The following NEU4 variants were observed in gnomAD, a reference collection of about 807,000 sequenced individuals.
NEU4 encodes neuraminidase 4.
NEU4 carries 7 observed loss-of-function variants against 9.9 expected under a neutral mutation model. The ratio of observed to expected loss-of-function variants is 0.71; its 90% CI spans 0.40 to 1.33. The LOEUF (loss-of-function observed/expected upper bound fraction) is 1.33, where lower values mean the gene tolerates loss of function less well. Ranked by LOEUF, NEU4 falls within the 40% of genes most tolerant of loss-of-function variation. The probability of loss-of-function intolerance (pLI) is 0.01; values close to 1 mark genes in which losing one functional copy is unlikely to be tolerated. For synonymous variants in NEU4, 348 were observed against 316.9 expected, an observed-to-expected ratio of 1.10 and a Z score of -1.04; for missense variants, 717 against 712.6, an observed-to-expected ratio of 1.01 and a Z score of -0.07.
At chr2:241,813,160 G>A (rs889040620) in intron 1 of NEU4, among the ~76,000 whole-genome samples, 12 of 152,212 alleles carry the variant, frequency 7.9e-5, no homozygotes, top group African/African-American at 2.2e-4. Context: ...CTCAGGTGTC[G>A]GGGCAAGGCC....
rs1338293342 is a variant in NEU4, at chr2:241,816,539, C to G, written c.946C>G (p.Pro316Ala). 6.2e-7 allele frequency: 1 copy of G among 1,611,856 alleles called. No individual in the cohort carries two copies. Reference protein sequence around the residue: ...PPLLGPGVHEPPEEAAVDPRG... With the variant: ...PPLLGPGVHEAPEEAAVDPRG... ...ACTCCTCGGTCCTGGAGTCCACGAACCCCCAGAGGAGGCTGCTGTAGACCC... is the reference window on the plus strand; with the variant it reads ...ACTCCTCGGTCCTGGAGTCCACGAAGCCCCAGAGGAGGCTGCTGTAGACCC... The change falls in exon 4 of 4, where the codon CCC becomes GCC. Residue 316 changes from proline (P) to alanine (A), a missense_variant. Transcript: ENST00000407683.
In NEU4 at chr2:241,815,165, C is replaced by G. The variant is rs369919286; in HGVS notation, c.457+18C>G. The G allele has an allele frequency of 6.6e-7, 1 of 1,515,240 alleles. No individual in the cohort carries two copies. Among genetic ancestry groups the G allele is most frequent in the Non-Finnish European group, 8.8e-7 (1 of 1,134,538 alleles). 93.9% of individuals were successfully genotyped at this position (1,515,240 alleles called of 1,614,324 possible). The stretch of plus-strand genomic sequence containing the variant: ...CGTGCAGGGTAGGCGGGCAGGGTGC[C>G]GGTCTGGGTCCCTTTGATTGGCCAC... On this transcript the variant is annotated intron_variant, in intron 3 of 3. Coordinates refer to ENST00000407683, the MANE Select transcript of NEU4 (RefSeq NM_001167600.3).
intron 1 of NEU4, chr2:241,813,196 G>A (rs1035860904): frequency 2.6e-5 from 10 of 377,946 alleles, no homozygotes; most frequent in African/African-American, 1.3e-4. Flanking sequence ...CGAGTGTTGC[G>A]CCTTTACCCG....
rs751043984 is a variant in NEU4, at chr2:241,815,079, G to A, written c.389G>A (p.Arg130His). 9 of 1,580,004 alleles carry A rather than the reference G, an allele frequency of 5.7e-6. No individual in the cohort carries two copies. Among genetic ancestry groups the A allele is most frequent in the Admixed American group, 3.5e-5 (2 of 57,542 alleles). Residue 130 changes from arginine to histidine, a missense_variant, in exon 3 of 4, where the codon CGT becomes CAT. Coordinates refer to ENST00000407683, the MANE Select transcript of NEU4 (RefSeq NM_001167600.3). ...GCGCGCCTCTGCTGTGTGGCCAGCC[G>A]TGACGCCGGCCTCTCGTGGGGCAGC... Reference protein sequence around the residue: ...NAARLCCVASRDAGLSWGSAR... With the variant: ...NAARLCCVASHDAGLSWGSAR...
chr2:241,816,746 G>T lies in NEU4; in HGVS notation c.1153G>T (p.Gly385Trp), dbSNP rs1199474132. The change falls in exon 4 of 4, where the codon GGG (glycine) becomes TGG (tryptophan). Residue 385 changes from glycine (G) to tryptophan (W), a missense_variant. Transcript: ENST00000407683. The stretch of plus-strand genomic sequence containing the variant: ...GTGGCTGCTGTACTCCCACCCAGTG[G>T]GGCGCAGGGCTCGGCTACACATGGG... ...PTWLLYSHPV[G>W]RRARLHMGIR... 2 of 1,569,036 alleles carry T rather than the reference G, an allele frequency of 1.3e-6. No homozygotes were observed. Among genetic ancestry groups the T allele is most frequent in the South Asian group, 2.3e-5 (2 of 86,096 alleles).
At position 241,817,069 on chromosome 2, in the gene NEU4, A is replaced by C; in HGVS notation, c.*21A>C. 6.4e-7 allele frequency: 1 copy of C among 1,552,556 alleles called. No homozygotes were observed. Among genetic ancestry groups the C allele is most frequent in the Non-Finnish European group, 8.7e-7 (1 of 1,152,688 alleles). The stretch of plus-strand genomic sequence containing the variant: ...CCTGACAGGCCTTCTGGCCGTGCCC[A>C]TGCCCCTTGGGTGCCTGGGGCAGAG... On this transcript the variant is annotated 3_prime_UTR_variant, in exon 4 of 4. Transcript: ENST00000407683.
In NEU4 at chr2:241,816,053, T is replaced by C. The variant is rs773867217; in HGVS notation, c.460T>C (p.Trp154Arg). 11 of 1,600,766 alleles carry C rather than the reference T, an allele frequency of 6.9e-6. No homozygotes were observed. The highest frequency in any genetic ancestry group is 1.1e-5 in the South Asian group (1 of 89,170). The change falls in exon 4 of 4, where the codon TGG (tryptophan) becomes CGG (arginine). Residue 154 changes from tryptophan to arginine, a missense_variant and splice_region_variant. Transcript: ENST00000407683. ...CACCTCTGCCCTCCTCCCTGCAGAC[T>C]GGGCCACATTCGCTGTGGGTCCCGG... ...EEAIGGAVQD[W>R]ATFAVGPGHG...
intron 2 of NEU4, 72 bp downstream of exon 2, chr2:241,814,757 G>A: frequency 6.7e-7 from 1 of 1,498,252 alleles, no homozygotes; most frequent in Non-Finnish European, 8.9e-7. Context: ...CCCGGGATGG[G>A]GCGGGGGTGG....
In NEU4 at chr2:241,817,005, CCAACCTTGGGGA is replaced by C. The variant is rs1360306995; in HGVS notation, c.1416_1427del (p.Asn472_Asp475del). 6.2e-7 allele frequency: 1 copy of C among 1,608,256 alleles called. No homozygotes were observed. The highest frequency in any genetic ancestry group is 2.2e-5 in the East Asian group (1 of 44,834). On this transcript the variant is annotated inframe_deletion, in exon 4 of 4. Transcript: ENST00000407683. ...AACGTGCCCGCCAGCCCCAAACCGC[CCAACCTTGGGGA>C]CAAGCCTCGGGGGTGCTGCTGGCCC...
rs1426156867 is a variant in NEU4, at chr2:241,816,666, G to C, written c.1073G>C (p.Gly358Ala). The change falls in exon 4 of 4, where the codon GGG becomes GCG. Residue 358 changes from glycine (G) to alanine (A), a missense_variant. By Grantham distance (60) the Gly-to-Ala change is moderately conservative (BLOSUM62 0). Transcript: ENST00000407683. ...GPRPGVSGDV[G>A]SWTLALPMPF... Reference sequence around the variant, plus strand: ...AGGCCTGGGGTCAGTGGGGATGTGGGGTCCTGGACCCTGGCACTCCCCATG... The same window carrying C: ...AGGCCTGGGGTCAGTGGGGATGTGGCGTCCTGGACCCTGGCACTCCCCATG... 1 of 1,523,990 alleles carries C rather than the reference G, an allele frequency of 6.6e-7. No individual in the cohort carries two copies. Among genetic ancestry groups the C allele is most frequent in the Non-Finnish European group, 8.8e-7 (1 of 1,139,116 alleles). 94.4% of individuals were successfully genotyped at this position (1,523,990 alleles called of 1,614,324 possible).
At chr2:241,812,821 T>C (rs1700173683) in intron 1 of NEU4, among the ~76,000 whole-genome samples, 1 of 151,986 alleles carries the variant, frequency 6.6e-6, no homozygotes, top group South Asian at 2.1e-4. Flanking sequence ...TCCCCAGGGG[T>C]GGGCCTGGGC....
intron 1 of NEU4, chr2:241,813,334 C>G: frequency 9.5e-7 from 1 of 1,052,728 alleles, no homozygotes; most frequent in South Asian, 2.6e-5. Context: ...TTCCCTTAGC[C>G]CCGCATCCAG....
intron 1 of NEU4, chr2:241,811,477 T>C (rs1009125712): frequency 1.9e-6 from 3 of 1,557,602 alleles, no homozygotes; most frequent in Admixed American, 1.8e-5. Context: ...TCCCTGCCCT[T>C]TGCACCCCCA....
At chr2:241,809,547 C>T (rs1700046847) in intron 1 of NEU4, among the ~76,000 whole-genome samples, 1 of 152,188 alleles carries the variant, frequency 6.6e-6, no homozygotes, top group Non-Finnish European at 1.5e-5. Context: ...GGAAAGCTTC[C>T]CCCGGGTGGC....
chr2:241,813,505 AC>A (rs758132655), intron 1 of NEU4: 3 of 1,197,026 alleles, frequency 2.5e-6, no homozygotes, highest in Admixed American at 3.6e-5. Context: ...AGACTGAGAG[AC>A]CCCCCAGGCA....
In NEU4 at chr2:241,811,735, T is replaced by C. The variant is rs1022807067; in HGVS notation, c.-4+2461T>C. The C allele has an allele frequency of 1.8e-5, 7 of 379,804 alleles. No individual in the cohort carries two copies. In the East Asian group the frequency reaches 1.9e-4, roughly 10 times the overall value. The allele number at this position is 379,804 out of a possible 1,614,324, so 23.5% of individuals were successfully genotyped here. A position where few individuals can be genotyped will look rare whatever the true frequency, so the allele number is the denominator to read the frequency against. On this transcript the variant is annotated intron_variant, in intron 1 of 3. Transcript: ENST00000407683. ...CACAGGGTGGGTGTGACACTGAGGG[T>C]TCCTGGGGGCAGATTCAGGGCATGG...
In NEU4 at chr2:241,814,580, C is replaced by G. The variant is rs367781603; in HGVS notation, c.96C>G (p.Pro32=). ...TGCCCTCGCTGCTCCCCGTGCCCCC[C>G]GGGCCCACCCTGCTGGCCTTTGTGG... ...YRVPSLLPVP[P]GPTLLAFVEQ... is the part of the protein sequence containing the mutation. Residue 32 remains proline, a synonymous_variant, in exon 2 of 4, where the codon CCC becomes CCG. Transcript: ENST00000407683. The G allele has an allele frequency of 2.5e-6, 4 of 1,612,116 alleles. No individual in the cohort carries two copies. Among genetic ancestry groups the G allele is most frequent in the African/African-American group, 1.3e-5 (1 of 74,918 alleles).
intron 1 of NEU4, chr2:241,814,265 G>C: frequency 1.6e-6 from 1 of 626,134 alleles, no homozygotes. Context: ...GACATTTGGG[G>C]TGGAGTGGGT....
Position 241,817,265 on chromosome 2 carries a change from C to T in NEU4, c.*217C>T, listed in dbSNP as rs754798731. On this transcript the variant is annotated 3_prime_UTR_variant, in exon 4 of 4. Transcript: ENST00000407683. ...GCAGGGTGGGGGCAGGGTGGGGGCACGAAGTGGGCCCTGGGTGACCCCCAC... is the reference window on the plus strand; with the variant it reads ...GCAGGGTGGGGGCAGGGTGGGGGCATGAAGTGGGCCCTGGGTGACCCCCAC... 3 of 521,312 alleles carry T rather than the reference C, an allele frequency of 5.8e-6. No individual in the cohort carries two copies. Among genetic ancestry groups the T allele is most frequent in the Non-Finnish European group, 9.8e-6 (3 of 305,790 alleles). 32.3% of individuals were successfully genotyped at this position (521,312 alleles called of 1,614,324 possible).
Sources: allele counts gnomAD v4.1 joint callset (sites outside exome capture counted in the v4.1 genomes callset), GRCh38; gene constraint gnomAD v4.1.1; transcripts MANE v1.5; gene names NCBI Gene and HGNC (gene_info 2026-07-23, HGNC 2026-07-21).